FHIT: variants seen among roughly 807,000 people sequenced by gnomAD.
FHIT encodes bis(5'-adenosyl)-triphosphatase.
A neutral mutation model predicts 17.9 loss-of-function variants in FHIT; 19 were observed. That is an observed-to-expected ratio of 1.06 (90% CI 0.74 to 1.56). The LOEUF is 1.56. Among genes scored for constraint, FHIT ranks in the 40% most tolerant of loss-of-function variants. The pLI is 0.00. For missense variants in FHIT, 248 were observed against 189.2 expected, an observed-to-expected ratio of 1.31 and a Z score of -1.82; for synonymous variants, 81 against 69.7, an observed-to-expected ratio of 1.16 and a Z score of -0.81.
intron 4 of FHIT, among the ~76,000 whole-genome samples, chr3:60,667,971 C>T (rs925019826): frequency 4.6e-5 from 7 of 151,966 alleles, no homozygotes. Flanking sequence ...GAGAGGAATA[C>T]GGTGGGGTCT....
At chr3:60,909,797 A>ATT (rs1464517436) in intron 3 of FHIT, among the ~76,000 whole-genome samples, 1 of 152,162 alleles carries the variant, frequency 6.6e-6, no homozygotes, top group Non-Finnish European at 1.5e-5. Context: ...GACAGATACC[A>ATT]TTGCCTAGTA....
chr3:59,818,013 A>G (rs910765653), intron 8 of FHIT, among the ~76,000 whole-genome samples: 11 of 152,118 alleles, frequency 7.2e-5, no homozygotes, highest in African/African-American at 2.7e-4. Context: ...GACACCCACA[A>G]CTTCTGGTTC....
At chr3:60,848,387 A>C (rs1703010200) in intron 3 of FHIT, among the ~76,000 whole-genome samples, 2 of 152,138 alleles carry the variant, frequency 1.3e-5, no homozygotes, top group Non-Finnish European at 1.5e-5. Flanking sequence ...AGACTTTTGG[A>C]AAGTCATGGC....
chr3:61,205,587 T>C (rs2106713674), intron 1 of FHIT, among the ~76,000 whole-genome samples: 1 of 152,358 alleles, frequency 6.6e-6, no homozygotes, highest in East Asian at 1.9e-4. Context: ...GGTGAGCATT[T>C]TTTCATGTGT....
chr3:59,773,449 T>A (rs1702162604), intron 8 of FHIT, among the ~76,000 whole-genome samples: 1 of 152,198 alleles, frequency 6.6e-6, no homozygotes, highest in Non-Finnish European at 1.5e-5. Flanking sequence ...GGAGTCCTCA[T>A]GAGCTCAATG....
At chr3:60,064,437 G>C (rs1702416172) in intron 5 of FHIT, among the ~76,000 whole-genome samples, 1 of 152,222 alleles carries the variant, frequency 6.6e-6, no homozygotes, top group East Asian at 1.9e-4. Flanking sequence ...TCTTGCATTT[G>C]AAAATATGCA....
At chr3:59,986,047 C>A (rs746824954) in intron 7 of FHIT, among the ~76,000 whole-genome samples, 47 of 152,070 alleles carry the variant, frequency 3.1e-4, no homozygotes, top group Non-Finnish European at 6.3e-4. Flanking sequence ...ACTTCCTTTG[C>A]GGTCTGCACA....
At chr3:60,868,120 A>G (rs1326815257) in intron 3 of FHIT, among the ~76,000 whole-genome samples, 3 of 152,166 alleles carry the variant, frequency 2.0e-5, no homozygotes, top group African/African-American at 7.2e-5. Flanking sequence ...CAGCAGAATG[A>G]GCTACTGCCT....
At chr3:60,883,254 G>A (rs1262990072) in intron 3 of FHIT, among the ~76,000 whole-genome samples, 1 of 152,086 alleles carries the variant, frequency 6.6e-6, no homozygotes, top group African/African-American at 2.4e-5. Context: ...CCATATTCAT[G>A]AATTGGAAGA....
chr3:60,606,583 T>C (rs1189974956), intron 4 of FHIT, among the ~76,000 whole-genome samples: 1 of 152,154 alleles, frequency 6.6e-6, no homozygotes, highest in Admixed American at 6.5e-5. Flanking sequence ...TTTCTCCTAT[T>C]ATAAGCCACC....
rs1401804205 is a variant in FHIT at position 60,140,128 on chromosome 3, A to C, written c.104-125976T>G. Among the ~76,000 whole-genome samples, 5 of 152,178 alleles carry C rather than the reference A, an allele frequency of 3.3e-5. No homozygotes were observed. In the East Asian group the frequency reaches 9.6e-4, roughly 29 times the overall value. ...ATAGTGAGATTCCATCTCGAAAAAA[A>C]AAAAATTGGTTAATTGTAGATTACA... On this transcript the variant is annotated intron_variant, in intron 5 of 9. Transcript: ENST00000492590.
chr3:60,572,240 A>G (rs1404738416), intron 4 of FHIT, among the ~76,000 whole-genome samples: 1 of 151,150 alleles, frequency 6.6e-6, no homozygotes, highest in Non-Finnish European at 1.5e-5. Flanking sequence ...TTCTCTGTGC[A>G]TGCATATACA....
At chr3:60,300,433 G>T (rs1708409649) in intron 5 of FHIT, among the ~76,000 whole-genome samples, 1 of 152,096 alleles carries the variant, frequency 6.6e-6, no homozygotes, top group Non-Finnish European at 1.5e-5. Context: ...AAAGACTCAA[G>T]TTCTAATGGA....
intron 4 of FHIT, among the ~76,000 whole-genome samples, chr3:60,647,887 A>G (rs2039898221): frequency 6.6e-6 from 1 of 152,212 alleles, no homozygotes; most frequent in Non-Finnish European, 1.5e-5. Flanking sequence ...CAATTTATAT[A>G]CCTGGTGGCT....
chr3:59,953,909 TTGA>T (rs1399466555), intron 7 of FHIT, among the ~76,000 whole-genome samples: 2 of 152,184 alleles, frequency 1.3e-5, no homozygotes, highest in Non-Finnish European at 2.9e-5. Flanking sequence ...GTGAGTCAGT[TTGA>T]GTGTGTTAAT....
At chr3:60,558,414 A>C (rs2036817794) in intron 4 of FHIT, among the ~76,000 whole-genome samples, 1 of 151,738 alleles carries the variant, frequency 6.6e-6, no homozygotes, top group Non-Finnish European at 1.5e-5. Flanking sequence ...TCATGGGTGA[A>C]CCAAGCCAAG....
Position 60,386,134 on chromosome 3 carries a change from G to T in FHIT, c.103+150726C>A, listed in dbSNP as rs568164546. On this transcript the variant is annotated intron_variant, in intron 5 of 9. Coordinates refer to ENST00000492590, the MANE Select transcript of FHIT (RefSeq NM_002012.4). Reference sequence around the variant, plus strand: ...CCATGTGGCAGAACCAAGATTTCAAGATTTGAGCCCCGGCAGTGTGGTTCC... The same window carrying T: ...CCATGTGGCAGAACCAAGATTTCAATATTTGAGCCCCGGCAGTGTGGTTCC... Among the ~76,000 whole-genome samples, 143 of 152,198 alleles carry T rather than the reference G, an allele frequency of 9.4e-4. 1 individual carries two copies. Among genetic ancestry groups the T allele is most frequent in the African/African-American group, 3.2e-3 (132 of 41,530 alleles).
At chr3:60,274,566 CA>C in intron 5 of FHIT, among the ~76,000 whole-genome samples, 1 of 152,218 alleles carries the variant, frequency 6.6e-6, no homozygotes, top group Admixed American at 6.5e-5. Flanking sequence ...GATATGGAAA[CA>C]AAAACTTGTC....
intron 8 of FHIT, among the ~76,000 whole-genome samples, chr3:59,848,180 T>C (rs897228468): frequency 6.6e-6 from 1 of 152,172 alleles, no homozygotes; most frequent in African/African-American, 2.4e-5. Context: ...GCCATGGGGC[T>C]GAAAGATGGG....
Sources: allele counts gnomAD v4.1 joint callset (sites outside exome capture counted in the v4.1 genomes callset), GRCh38; gene constraint gnomAD v4.1.1; transcripts MANE v1.5; gene names NCBI Gene and HGNC (gene_info 2026-07-23, HGNC 2026-07-21).